MID1: variants seen among roughly 807,000 people sequenced by gnomAD.
MID1 encodes the protein E3 ubiquitin-protein ligase Midline-1.
In MID1, 7 loss-of-function variants were observed where a neutral mutation model predicts 40.4. The ratio of observed to expected loss-of-function variants is 0.17; its 90% confidence interval spans 0.10 to 0.33. The LOEUF is 0.33. Ranked by LOEUF, MID1 falls within the 10% of genes least tolerant of loss-of-function variation. The pLI, the probability that MID1 is intolerant of heterozygous loss-of-function variation, is 1.00. For synonymous variants in MID1, 229 were observed against 221.2 expected (o/e 1.04, Z -0.31); for missense variants, 367 against 558.5 (o/e 0.66, Z 3.46).
chrX:10,704,386 C>T (rs1248173540), intron 1 of MID1, among the ~76,000 whole-genome samples: 4 of 110,356 alleles, frequency 3.6e-5, no homozygotes, highest in South Asian at 3.9e-4. Flanking sequence ...GGGACTACTG[C>T]GTTGCTACTG....
chrX:10,639,180 G>A (rs1475613116), intron 1 of MID1, among the ~76,000 whole-genome samples: 1 of 112,331 alleles, frequency 8.9e-6, no homozygotes, highest in East Asian at 2.8e-4. Context: ...GTTGAGAGAA[G>A]AAGGCTTCAG....
chrX:10,670,837 T>A (rs761177703), intron 1 of MID1, among the ~76,000 whole-genome samples: 3 of 112,266 alleles, frequency 2.7e-5, no homozygotes, highest in Non-Finnish European at 5.6e-5. Context: ...TTGACCTTCT[T>A]ATTGCCTTGT....
At chrX:10,607,535 T>C (rs1240374937) in intron 1 of MID1, among the ~76,000 whole-genome samples, 1 of 112,371 alleles carries the variant, frequency 8.9e-6, no homozygotes, top group Admixed American at 9.4e-5. Flanking sequence ...CATTTGGGAT[T>C]GACGCCCACA....
At chrX:10,788,900 G>A (rs1318728172) in intron 1 of MID1, among the ~76,000 whole-genome samples, 1 of 112,551 alleles carries the variant, frequency 8.9e-6, no homozygotes, top group Non-Finnish European at 1.9e-5. Context: ...GGAGGCCGAG[G>A]CGGGAGGATC....
intron 1 of MID1, among the ~76,000 whole-genome samples, chrX:10,727,100 C>CATT (rs201372188): frequency 0.11 from 12,345 of 111,959 alleles, 1,149 homozygotes; most frequent in African/African-American, 0.31. Flanking sequence ...TCTATCTCAT[C>CATT]ATGATTTTTA....
chrX:10,752,036 A>G (rs2043602542), intron 1 of MID1, among the ~76,000 whole-genome samples: 1 of 111,161 alleles, frequency 9.0e-6, no homozygotes, highest in Non-Finnish European at 1.9e-5. Flanking sequence ...TTCCACCATG[A>G]CTGTAAGCTT....
Position 10,471,636 on chromosome X carries a change from C to T in MID1, c.1142-1796G>A, listed in dbSNP as rs144616194. ...GACACCAATCAGGATATGCATTCCA[C>T]GGAGGAGGTCCAGCTGCATCGTAAA... On this transcript the variant is annotated intron_variant, in intron 6 of 9. Coordinates refer to ENST00000317552, the MANE Select transcript of MID1 (RefSeq NM_000381.4). Among the ~76,000 whole-genome samples, 277 of 111,949 alleles carry T rather than the reference C, an allele frequency of 2.5e-3. 1 individual carries two copies. The highest frequency in any genetic ancestry group is 7.9e-3 in the African/African-American group (242 of 30,805).
At chrX:10,453,532 T>A (rs1003549130) in intron 9 of MID1, among the ~76,000 whole-genome samples, 16 of 111,920 alleles carry the variant, frequency 1.4e-4, no homozygotes, top group African/African-American at 5.2e-4. Context: ...CTTTTGTGAA[T>A]AGCAGCATAC....
chrX:10,633,089 T>A (rs1028808974), intron 1 of MID1, among the ~76,000 whole-genome samples: 1 of 111,804 alleles, frequency 8.9e-6, no homozygotes, highest in Non-Finnish European at 1.9e-5. Context: ...GGCATAATAA[T>A]TATTTTGAGC....
At chrX:10,564,475 T>C (rs749296762) in intron 2 of MID1, among the ~76,000 whole-genome samples, 6 of 112,265 alleles carry the variant, frequency 5.3e-5, no homozygotes, top group Admixed American at 9.4e-5. Flanking sequence ...GTACATCTTA[T>C]TGAACGGCTG....
intron 1 of MID1, among the ~76,000 whole-genome samples, chrX:10,686,671 T>C (rs1478721639): frequency 2.7e-5 from 3 of 111,747 alleles, no homozygotes; most frequent in Non-Finnish European, 5.6e-5. Flanking sequence ...GGGGTGAAGA[T>C]ACTTACTAGA....
chrX:10,643,718 T>A (rs1230569769), intron 1 of MID1, among the ~76,000 whole-genome samples: 1 of 111,074 alleles, frequency 9.0e-6, no homozygotes, highest in Non-Finnish European at 1.9e-5. Flanking sequence ...ATGTTTATTG[T>A]GGCACTATTC....
intron 1 of MID1, among the ~76,000 whole-genome samples, chrX:10,676,071 A>G (rs770281449): frequency 8.9e-6 from 1 of 111,994 alleles, no homozygotes; most frequent in East Asian, 2.8e-4. Flanking sequence ...CAATGGCAAA[A>G]ATACATTCTC....
At chrX:10,726,890 C>G (rs765206962) in intron 1 of MID1, among the ~76,000 whole-genome samples, 11 of 112,582 alleles carry the variant, frequency 9.8e-5, no homozygotes, top group African/African-American at 3.5e-4. Flanking sequence ...AATCAGTGGG[C>G]AAAGATTGCA....
At chrX:10,584,029 TAAA>T (rs1272909418) in intron 1 of MID1, among the ~76,000 whole-genome samples, 2 of 97,028 alleles carry the variant, frequency 2.1e-5, no homozygotes, top group Admixed American at 1.1e-4. Flanking sequence ...AGACTCCATC[TAAA>T]AAAAAAAAAA....
At chrX:10,717,965 A>G (rs1394739850) in intron 1 of MID1, among the ~76,000 whole-genome samples, 2 of 112,088 alleles carry the variant, frequency 1.8e-5, no homozygotes, top group Non-Finnish European at 3.8e-5. Context: ...ATAATGAAAT[A>G]AAGGCAGAAA....
chrX:10,709,760 A>G (rs940470417), intron 1 of MID1, among the ~76,000 whole-genome samples: 1 of 112,144 alleles, frequency 8.9e-6, no homozygotes, highest in Non-Finnish European at 1.9e-5. Context: ...TGGTAGTTGT[A>G]ATCCTCTTGT....
At chrX:10,611,352 C>T (rs1455310225) in intron 1 of MID1, among the ~76,000 whole-genome samples, 3 of 111,609 alleles carry the variant, frequency 2.7e-5, no homozygotes, top group Admixed American at 9.5e-5. Flanking sequence ...AAATCAACTG[C>T]GGAAATAATT....
Position 10,465,212 on chromosome X carries a change from T to TAC in MID1, c.1285+4484_1285+4485insGT, listed in dbSNP as rs1291317865. Among the ~76,000 whole-genome samples, 247 of 55,968 alleles carry TAC rather than the reference T, an allele frequency of 4.4e-3. 2 individuals are homozygous for TAC. The highest frequency in any genetic ancestry group is 8.0e-3 in the African/African-American group (71 of 8,913). The allele number at this position is 55,968 out of a possible 115,157, so 48.6% of individuals were successfully genotyped here. On this transcript the variant is annotated intron_variant, in intron 7 of 9. Transcript: ENST00000317552. ...TTATATATATATATATATATATATA[T>TAC]ATACACACACACACACACACACACA...
Sources: gnomAD v4.1 joint callset for allele counts (sites outside exome capture counted in the v4.1 genomes callset) on GRCh38, gnomAD v4.1.1 for gene constraint, MANE v1.5 for transcripts, NCBI Gene and HGNC (gene_info 2026-07-23, HGNC 2026-07-21) for gene names.